The following PPIL6 variants were observed in gnomAD, a reference collection of about 807,000 sequenced individuals.
PPIL6 encodes peptidylprolyl isomerase like 6, also known as probable inactive peptidyl-prolyl cis-trans isomerase-like 6.
PPIL6 carries 39 observed loss-of-function variants against 36.8 expected under a neutral mutation model. That is an observed-to-expected ratio of 1.06 (90% CI 0.82 to 1.38). PPIL6 has a LOEUF of 1.38. PPIL6 is among the 40% of genes most tolerant of loss of function. The probability of loss-of-function intolerance (pLI) is 0.00; values close to 1 mark genes in which losing one functional copy is unlikely to be tolerated. For missense variants in PPIL6, 368 were observed against 379.1 expected (o/e 0.97, Z 0.24); for synonymous variants, 123 against 134.1 (o/e 0.92, Z 0.57).
chr6:109,440,360 C>A, intron 1 of PPIL6, 96 bp downstream of exon 1: 1 of 1,429,252 alleles, frequency 7.0e-7, no homozygotes, highest in Non-Finnish European at 9.5e-7. Context: ...GGGCCTCGAC[C>A]CCCGCCGCCT....
intron 6 of PPIL6, among the ~76,000 whole-genome samples, chr6:109,417,103 A>T (rs1773299928): frequency 6.6e-6 from 1 of 151,710 alleles, no homozygotes; most frequent in Non-Finnish European, 1.5e-5. Context: ...CCAGGAGTTT[A>T]AGGTTACCAT....
intron 1 of PPIL6, 31 bp from the exon 2 acceptor site, chr6:109,436,230 A>T (rs756608735): frequency 7.9e-7 from 1 of 1,266,170 alleles, no homozygotes; most frequent in Non-Finnish European, 1.1e-6. Flanking sequence ...ATTATTTTAG[A>T]GTTAGTTCTC....
Position 109,403,085 on chromosome 6 carries a change from T to G in PPIL6, c.689-2915A>C, listed in dbSNP as rs1313889092. 11 of 1,529,884 alleles carry G rather than the reference T, an allele frequency of 7.2e-6. 1 individual carries two copies. The Admixed American group carries it at 1.4e-4, about 19-fold the overall frequency. 94.8% of individuals were successfully genotyped at this position (1,529,884 alleles called of 1,614,324 possible). A position where few individuals can be genotyped will look rare whatever the true frequency, so the allele number is the denominator to read the frequency against. ...CTGCTTTCCTTCTGCCTCTTTACAC[T>G]TCTTTTCAAGCTTCCATAAAGCTCT... is the stretch of plus-strand genomic sequence containing the variant. On this transcript the variant is annotated intron_variant, in intron 6 of 7. Coordinates refer to ENST00000521072, the MANE Select transcript of PPIL6 (RefSeq NM_173672.5).
intron 3 of PPIL6, among the ~76,000 whole-genome samples, chr6:109,430,372 T>C (rs1774067694): frequency 6.6e-6 from 1 of 151,838 alleles, no homozygotes; most frequent in African/African-American, 2.4e-5. Flanking sequence ...CCTCTGCCAC[T>C]GGAAACCTCC....
Position 109,409,378 on chromosome 6 carries a change from A to T in PPIL6, c.689-9208T>A, listed in dbSNP as rs192592695. ...GGAGTTCCAGACAAGCCTGGCCAAC[A>T]TGGTGAAACCCCATCTCTATTAAAA... On this transcript the variant is annotated intron_variant, in intron 6 of 7. Transcript: ENST00000521072. Among the ~76,000 whole-genome samples, 398 of 152,298 alleles carry T rather than the reference A, an allele frequency of 2.6e-3. 3 individuals are homozygous for T. The highest frequency in any genetic ancestry group is 9.0e-3 in the African/African-American group (373 of 41,574).
chr6:109,421,946 G>A (rs888187654), intron 5 of PPIL6, among the ~76,000 whole-genome samples: 1 of 152,026 alleles, frequency 6.6e-6, no homozygotes, highest in Admixed American at 6.5e-5. Flanking sequence ...GCATCATCTC[G>A]GCTCACTGCA....
intron 5 of PPIL6, among the ~76,000 whole-genome samples, chr6:109,425,624 C>G (rs1487353924): frequency 6.6e-6 from 1 of 151,968 alleles, no homozygotes; most frequent in African/African-American, 2.4e-5. Context: ...GGGTGGGCCC[C>G]TGCTATCCTG....
In PPIL6 at chr6:109,391,952, T is replaced by C. The variant is rs1772111245; in HGVS notation, c.*874A>G. On this transcript the variant is annotated 3_prime_UTR_variant, in exon 8 of 8. Transcript: ENST00000521072. ...AGTTTCTCCTAGGAGTACATGTAGT[T>C]ACAAACAAGAACATAATTCTATTAC... 6.6e-6 allele frequency: 1 copy of C among 152,216 alleles called. No individual in the cohort carries two copies. The highest frequency in any genetic ancestry group is 6.5e-5 in the Admixed American group (1 of 15,288). The allele number at this position is 152,216 out of a possible 1,614,324, so 9.4% of individuals were successfully genotyped here.
intron 6 of PPIL6, among the ~76,000 whole-genome samples, chr6:109,415,871 G>C (rs1773229844): frequency 6.6e-6 from 1 of 152,118 alleles, no homozygotes; most frequent in African/African-American, 2.4e-5. Flanking sequence ...TGATGCCTTT[G>C]GTGTTGAACT....
intron 2 of PPIL6, among the ~76,000 whole-genome samples, chr6:109,435,092 C>T (rs1426826455): frequency 6.6e-6 from 1 of 152,154 alleles, no homozygotes; most frequent in Non-Finnish European, 1.5e-5. Flanking sequence ...CCCTGGCTGT[C>T]TCTGTGATGT....
intron 2 of PPIL6, among the ~76,000 whole-genome samples, chr6:109,435,515 C>T (rs185673517): frequency 6.8e-4 from 103 of 152,224 alleles, no homozygotes; most frequent in Non-Finnish European, 1.4e-3. Flanking sequence ...CCAGGATGGT[C>T]TTGATCTCCT....
intron 6 of PPIL6, among the ~76,000 whole-genome samples, chr6:109,418,548 CTTTT>C (rs796535898): frequency 7.4e-6 from 1 of 135,918 alleles, no homozygotes. Flanking sequence ...ATCTTTTTTT[CTTTT>C]TTTTTTTTTT....
At chr6:109,438,882 C>T (rs908603714) in intron 1 of PPIL6, among the ~76,000 whole-genome samples, 7 of 152,162 alleles carry the variant, frequency 4.6e-5, no homozygotes, top group Non-Finnish European at 1.0e-4. Flanking sequence ...CCACCGCGCT[C>T]GGCCTGTAAA....
intron 5 of PPIL6, among the ~76,000 whole-genome samples, chr6:109,426,486 A>G (rs1773820446): frequency 6.6e-6 from 1 of 152,052 alleles, no homozygotes; most frequent in African/African-American, 2.4e-5. Context: ...CTATATTTTC[A>G]AATTCCCACT....
chr6:109,409,219 G>A (rs567448448), intron 6 of PPIL6, among the ~76,000 whole-genome samples: 1 of 152,268 alleles, frequency 6.6e-6, no homozygotes, highest in Admixed American at 6.5e-5. Flanking sequence ...GTACTATGTA[G>A]CTAGAGCAAC....
chr6:109,400,174 G>A lies in PPIL6; in HGVS notation c.689-4C>T. The A allele has an allele frequency of 1.9e-6, 3 of 1,606,744 alleles. No individual in the cohort carries two copies. The highest frequency in any genetic ancestry group is 2.6e-6 in the Non-Finnish European group (3 of 1,175,192). ...TGAGGAACTGAAAAGTTTTCATCTA[G>A]GAAAGACAATAATCAGTAGGTCATT... On this transcript the variant is annotated splice_region_variant and splice_polypyrimidine_tract_variant and intron_variant, in intron 6 of 7. Transcript: ENST00000521072.
chr6:109,426,948 A>G lies in PPIL6; in HGVS notation c.530T>C (p.Leu177Ser), dbSNP rs780893104. ...AGAAAACCCTGCTTTTCCTGTGCAC[A>G]AGACCTGAAAATTTTTACATGTTTT... ...CPKTCKNFQV[L>S]CTGKAGFSQR... The change falls in exon 5 of 8, where the codon TTG (leucine) becomes TCG (serine). Residue 177 changes from leucine to serine, a missense_variant. By Grantham distance (145) the Leu-to-Ser change is moderately radical (BLOSUM62 -2). Coordinates refer to ENST00000521072, the MANE Select transcript of PPIL6 (RefSeq NM_173672.5). The G allele has an allele frequency of 1.2e-6, 2 of 1,608,688 alleles. No homozygotes were observed. Among genetic ancestry groups the G allele is most frequent in the South Asian group, 2.2e-5 (2 of 90,576 alleles).
intron 5 of PPIL6, among the ~76,000 whole-genome samples, chr6:109,421,496 T>C (rs1157866839): frequency 6.6e-6 from 1 of 152,180 alleles, no homozygotes; most frequent in Non-Finnish European, 1.5e-5. Context: ...ACTCAGGCAG[T>C]GTTTGGCAGA....
intron 6 of PPIL6, among the ~76,000 whole-genome samples, chr6:109,407,079 A>G (rs1772826541): frequency 6.6e-6 from 1 of 152,170 alleles, no homozygotes; most frequent in African/African-American, 2.4e-5. Flanking sequence ...TGGTTTCTTT[A>G]AGTAAGAAAT....
Sources: allele counts gnomAD v4.1 joint callset (sites outside exome capture counted in the v4.1 genomes callset), GRCh38; gene constraint gnomAD v4.1.1; transcripts MANE v1.5; gene names NCBI Gene and HGNC (gene_info 2026-07-23, HGNC 2026-07-21).